Variants in PCDH15 observed in about 807,000 individuals in gnomAD.
PCDH15 encodes protocadherin related 15, also known as protocadherin-15.
PCDH15 carries 129 observed loss-of-function variants against 178.5 expected under a neutral mutation model. The ratio of observed to expected loss-of-function variants is 0.72; its 90% CI spans 0.63 to 0.84. PCDH15 has a LOEUF of 0.84. Among genes scored for constraint, PCDH15 ranks in the 40% least tolerant of loss-of-function variants. The probability of loss-of-function intolerance (pLI) is 0.00; values close to 1 mark genes in which losing one functional copy is unlikely to be tolerated. For missense variants in PCDH15, 2,230 were observed against 2,099.9 expected, an observed-to-expected ratio of 1.06 and a Z score of -1.21; for synonymous variants, 800 against 732.0, an observed-to-expected ratio of 1.09 and a Z score of -1.50.
intron 3 of PCDH15, among the ~76,000 whole-genome samples, chr10:54,427,527 C>T (rs1956437935): frequency 1.3e-5 from 2 of 151,984 alleles, no homozygotes; most frequent in Non-Finnish European, 2.9e-5. Context: ...ATCCGCCCAC[C>T]TCAGCCTCCC....
chr10:54,640,565 G>A (rs2093965562), intron 2 of PCDH15, among the ~76,000 whole-genome samples: 1 of 151,818 alleles, frequency 6.6e-6, no homozygotes, highest in Non-Finnish European at 1.5e-5. Flanking sequence ...GCTTGAATAA[G>A]GACATTTACT....
At chr10:54,818,194 A>G (rs890648090) in intron 3 of PCDH15, among the ~76,000 whole-genome samples, 4 of 152,098 alleles carry the variant, frequency 2.6e-5, no homozygotes, top group Admixed American at 2.6e-4. Flanking sequence ...TGTTCATGTG[A>G]CAAGTGTTCA....
intron 1 of PCDH15, among the ~76,000 whole-genome samples, chr10:55,282,279 T>C (rs1358972459): frequency 6.6e-6 from 1 of 152,168 alleles, no homozygotes; most frequent in Admixed American, 6.6e-5. Context: ...CTGGTTTGTC[T>C]ATCTGCAGTA....
intron 1 of PCDH15, among the ~76,000 whole-genome samples, chr10:54,690,142 T>A (rs2095092242): frequency 6.6e-6 from 1 of 152,142 alleles, no homozygotes; most frequent in Non-Finnish European, 1.5e-5. Context: ...ACTGTAGCTG[T>A]CATAACATTA....
chr10:54,546,148 G>A (rs756885310), intron 2 of PCDH15, among the ~76,000 whole-genome samples: 23 of 152,172 alleles, frequency 1.5e-4, no homozygotes, highest in African/African-American at 3.1e-4. Context: ...TGATCTTGCC[G>A]CTGTGGCATC....
At chr10:55,568,823 C>T (rs1209290075) in intron 2 of PCDH15, among the ~76,000 whole-genome samples, 1 of 152,014 alleles carries the variant, frequency 6.6e-6, no homozygotes, top group African/African-American at 2.4e-5. Flanking sequence ...AACAGCCTCA[C>T]GTTATTCATC....
At chr10:55,044,613 T>G (rs969779951) in intron 2 of PCDH15, among the ~76,000 whole-genome samples, 8 of 152,148 alleles carry the variant, frequency 5.3e-5, no homozygotes, top group African/African-American at 1.9e-4. Context: ...CCATGAGATC[T>G]GCAGTCAAAT....
intron 2 of PCDH15, among the ~76,000 whole-genome samples, chr10:55,526,493 G>T (rs778824164): frequency 2.0e-5 from 3 of 151,862 alleles, no homozygotes; most frequent in Non-Finnish European, 4.4e-5. Flanking sequence ...TTAATATCTG[G>T]CAAGGCTTCC....
intron 23 of PCDH15, among the ~76,000 whole-genome samples, chr10:53,945,555 C>T (rs969763895): frequency 2.0e-5 from 3 of 151,824 alleles, no homozygotes; most frequent in African/African-American, 7.3e-5. Flanking sequence ...AAATATCTCC[C>T]CAATCCTTCC....
chr10:55,170,073 C>T (rs1170950045), intron 1 of PCDH15, among the ~76,000 whole-genome samples: 2 of 152,024 alleles, frequency 1.3e-5, no homozygotes, highest in South Asian at 2.1e-4. Flanking sequence ...TGATGCTTTA[C>T]AATGCTACAG....
In PCDH15 at chr10:53,806,638, C is replaced by CATCA; in HGVS notation, c.5160_5163dup (p.Asp1722Ter). 3 of 1,613,768 alleles carry CATCA rather than the reference C, an allele frequency of 1.9e-6. No individual in the cohort carries two copies. The highest frequency in any genetic ancestry group is 2.2e-5 in the East Asian group (1 of 44,872). On this transcript the variant is annotated stop_gained and frameshift_variant, in exon 38 of 38. Transcript: ENST00000644397. LOFTEE classifies it high-confidence loss of function. ...CAGGGGCCCATCCAAAGCTCTTCAT[C>CATCA]ATCAGACTGTGTGTGGTCACTATGA...
chr10:55,303,952 TTTTTTAGTTATTAGAAAGGA>T (rs1251130013), intron 1 of PCDH15, among the ~76,000 whole-genome samples: 4 of 152,198 alleles, frequency 2.6e-5, no homozygotes, highest in African/African-American at 9.7e-5. Flanking sequence ...GCACTTCATT[TTTTTTAGTTATTAGAAAGGA>T]GCTTGCATTA....
At chr10:54,299,969 T>C (rs1349234434) in intron 8 of PCDH15, among the ~76,000 whole-genome samples, 1 of 152,160 alleles carries the variant, frequency 6.6e-6, no homozygotes, top group African/African-American at 2.4e-5. Context: ...GTTAACAGTG[T>C]AATATGTATT....
chr10:54,131,671 C>T (rs1223120426), intron 15 of PCDH15, among the ~76,000 whole-genome samples: 1 of 152,134 alleles, frequency 6.6e-6, no homozygotes, highest in Non-Finnish European at 1.5e-5. Flanking sequence ...AGTAGAGACA[C>T]AAAGTAGTAC....
chr10:54,792,830 C>A (rs770801448), intron 1 of PCDH15, among the ~76,000 whole-genome samples: 7 of 151,710 alleles, frequency 4.6e-5, no homozygotes. Context: ...TCCAGAGAAC[C>A]CTGACAAATA....
chr10:54,030,282 T>G (rs188946657), intron 18 of PCDH15, among the ~76,000 whole-genome samples: 1 of 151,946 alleles, frequency 6.6e-6, no homozygotes, highest in African/African-American at 2.4e-5. Context: ...ATCAGGGAGG[T>G]TGGGCAGTGC....
At chr10:55,364,898 C>A in intron 2 of PCDH15, among the ~76,000 whole-genome samples, 1 of 152,108 alleles carries the variant, frequency 6.6e-6, no homozygotes. Context: ...GAATACAATA[C>A]AAAATATACA....
chr10:55,043,731 TAAATAAATA>T (rs148655227), intron 2 of PCDH15, among the ~76,000 whole-genome samples: 29,067 of 145,156 alleles, frequency 0.2, 3,430 homozygotes, highest in Non-Finnish European at 0.27. Context: ...AATAAATAAA[TAAATAAATA>T]AAATAAATAA....
At chr10:55,361,419 G>A (rs1333943344) in intron 2 of PCDH15, among the ~76,000 whole-genome samples, 6 of 151,888 alleles carry the variant, frequency 4.0e-5, no homozygotes, top group East Asian at 1.9e-4. Flanking sequence ...GTAGTCTAAC[G>A]AACTTGTAAT....
Sources: allele counts gnomAD v4.1 joint callset (sites outside exome capture counted in the v4.1 genomes callset), GRCh38; gene constraint gnomAD v4.1.1; transcripts MANE v1.5; gene names NCBI Gene and HGNC (gene_info 2026-07-23, HGNC 2026-07-21).